Variants in SEC31A observed in about 807,000 individuals in gnomAD.
The protein encoded by SEC31A is protein transport protein Sec31A.
In SEC31A, 70 loss-of-function variants were observed where a neutral mutation model predicts 151.0. The ratio of observed to expected loss-of-function variants is 0.46; its 90% confidence interval spans 0.38 to 0.57. The LOEUF is 0.57. SEC31A is among the 20% of genes least tolerant of loss of function. The pLI is 0.00. For synonymous variants in SEC31A, 475 were observed against 505.9 expected (o/e 0.94, Z 0.82); for missense variants, 1,330 against 1,471.2 (o/e 0.90, Z 1.57).
intron 4 of SEC31A, among the ~76,000 whole-genome samples, chr4:82,876,306 C>A (rs1007802845): frequency 5.3e-5 from 8 of 152,028 alleles, no homozygotes; most frequent in African/African-American, 1.9e-4. Flanking sequence ...GACGGGGTTT[C>A]TCCATGTTGG....
intron 6 of SEC31A, among the ~76,000 whole-genome samples, chr4:82,872,464 C>A (rs1280696737): frequency 6.6e-6 from 1 of 151,882 alleles, no homozygotes; most frequent in South Asian, 2.1e-4. Flanking sequence ...GCTGGTATTA[C>A]AGGCATGAGC....
intron 7 of SEC31A, chr4:82,871,333 CACACAA>C (rs778859930): frequency 1.3e-6 from 2 of 1,509,770 alleles, no homozygotes; most frequent in South Asian, 1.2e-5. Context: ...CACACACACA[CACACAA>C]GTAACGTAGG....
In SEC31A at chr4:82,866,792, A is replaced by T. The variant is rs1735504653; in HGVS notation, c.1197+16T>A. 1 of 1,595,858 alleles carries T rather than the reference A, an allele frequency of 6.3e-7. No homozygotes were observed. Among genetic ancestry groups the T allele is most frequent in the African/African-American group, 1.4e-5 (1 of 73,772 alleles). Reference sequence around the variant, plus strand: ...GTCCTTTGTGCCTATGGACCATAAAAACAAAATCCACCTACTGAAAAAGAA... The same window carrying T: ...GTCCTTTGTGCCTATGGACCATAAATACAAAATCCACCTACTGAAAAAGAA... On this transcript the variant is annotated intron_variant, in intron 10 of 26. Coordinates refer to ENST00000395310, the MANE Select transcript of SEC31A (RefSeq NM_001077207.4).
At chr4:82,842,537 T>C (rs13102775) in intron 21 of SEC31A, 56 bp from the exon 22 acceptor site, 282,154 of 1,335,870 alleles carry the variant, frequency 0.21, 31,539 homozygotes, top group South Asian at 0.33. Context: ...ATTCAGATAG[T>C]AGCAGAAAAC....
chr4:82,824,520 T>G, intron 25 of SEC31A, 35 bp downstream of exon 25: 1 of 1,603,012 alleles, frequency 6.2e-7, no homozygotes, highest in Non-Finnish European at 8.5e-7. Flanking sequence ...TTCTTCTAAT[T>G]AAGCAAAATA....
chr4:82,851,646 A>G, intron 18 of SEC31A, 42 bp from the exon 19 acceptor site: 1 of 1,511,184 alleles, frequency 6.6e-7, no homozygotes, highest in Non-Finnish European at 9.1e-7. Context: ...TATCAAGACC[A>G]TGTATGAGAG....
chr4:82,868,754 G>C (rs1228267451), intron 8 of SEC31A, among the ~76,000 whole-genome samples: 1 of 151,950 alleles, frequency 6.6e-6, no homozygotes, highest in Non-Finnish European at 1.5e-5. Flanking sequence ...GGAGTGCAGT[G>C]GCGCAATCAC....
intron 25 of SEC31A, among the ~76,000 whole-genome samples, chr4:82,823,129 C>A (rs933018958): frequency 2.0e-5 from 3 of 152,178 alleles, no homozygotes; most frequent in East Asian, 3.8e-4. Context: ...TTCTCTACTA[C>A]CCAGAGCTCC....
intron 21 of SEC31A, chr4:82,842,750 C>A (rs1729192399): frequency 3.1e-6 from 1 of 327,320 alleles, no homozygotes; most frequent in African/African-American, 2.1e-5. Context: ...AACTGCAAGA[C>A]TGACCCTTTT....
Position 82,848,910 on chromosome 4 carries a change from G to A in SEC31A, c.2396C>T (p.Ser799Leu). ...AQGEPVAGHE[S>L]PKIPYEKQQL... ...CTGTTTCTCGTACGGAATTTTAGGT[G>A]ATTCATGTCCTGCTACAGGCTCTCC... The change falls in exon 20 of 27, where the codon TCA becomes TTA. Residue 799 changes from serine (S) to leucine (L), a missense_variant. Transcript: ENST00000395310. 1 of 1,614,090 alleles carries A rather than the reference G, an allele frequency of 6.2e-7. No homozygotes were observed. The highest frequency in any genetic ancestry group is 8.5e-7 in the Non-Finnish European group (1 of 1,179,990).
At chr4:82,864,269 A>T in intron 11 of SEC31A, 93 bp downstream of exon 11, 1 of 893,766 alleles carries the variant, frequency 1.1e-6, no homozygotes, top group Admixed American at 2.4e-5. Flanking sequence ...CACTTTTTCA[A>T]TTGTTTCTTT....
At chr4:82,871,401 T>A (rs1736642052) in intron 7 of SEC31A, 2 of 1,525,470 alleles carry the variant, frequency 1.3e-6, no homozygotes, top group African/African-American at 2.7e-5. Context: ...CTGCAGTAAG[T>A]CGTTACTTAA....
chr4:82,876,945 A>G (rs1316787716), intron 4 of SEC31A, among the ~76,000 whole-genome samples: 1 of 152,244 alleles, frequency 6.6e-6, no homozygotes, highest in Non-Finnish European at 1.5e-5. Flanking sequence ...ACCACAAACT[A>G]TAGAAACGAA....
At chr4:82,870,484 A>T in intron 7 of SEC31A, 60 bp from the exon 8 acceptor site, 1 of 1,307,700 alleles carries the variant, frequency 7.6e-7, no homozygotes, top group Non-Finnish European at 1.1e-6. Flanking sequence ...AATCTCAACT[A>T]TTTCTGCCTA....
chr4:82,891,034 T>C (rs1273662196), intron 1 of SEC31A, 54 bp downstream of exon 1: 3 of 1,534,786 alleles, frequency 2.0e-6, no homozygotes, highest in Admixed American at 3.9e-5. Context: ...GCCTGGGCTC[T>C]ACCTCAAAGC....
At chr4:82,869,101 G>T (rs1250293066) in intron 8 of SEC31A, among the ~76,000 whole-genome samples, 1 of 151,724 alleles carries the variant, frequency 6.6e-6, no homozygotes, top group African/African-American at 2.4e-5. Context: ...ATTTGCATTT[G>T]AACAAATTCC....
upstream of SEC31A, among the ~76,000 whole-genome samples, chr4:82,892,653 A>G (rs753929543): frequency 7.2e-5 from 11 of 152,268 alleles, no homozygotes; most frequent in African/African-American, 2.7e-4. Context: ...TGCATGAACT[A>G]AACAGATGAT....
chr4:82,830,793 A>C (rs989729556), intron 22 of SEC31A: 2 of 216,070 alleles, frequency 9.3e-6, no homozygotes, highest in Non-Finnish European at 1.8e-5. Flanking sequence ...TGATTCAATT[A>C]AGAAGCCAAA....
chr4:82,892,364 G>A (rs375765587), upstream of SEC31A, among the ~76,000 whole-genome samples: 20 of 152,336 alleles, frequency 1.3e-4, no homozygotes, highest in African/African-American at 4.6e-4. Context: ...ACTGAAAGAC[G>A]TTGAAGCAAC....
Sources: allele counts gnomAD v4.1 joint callset (sites outside exome capture counted in the v4.1 genomes callset), GRCh38; gene constraint gnomAD v4.1.1; transcripts MANE v1.5; gene names NCBI Gene and HGNC (gene_info 2026-07-23, HGNC 2026-07-21).